Variants in ZNF676 observed in about 807,000 individuals in gnomAD.
The protein encoded by ZNF676 is zinc finger protein 676.
In ZNF676, 4 loss-of-function variants were observed where a neutral mutation model predicts 6.0. The ratio of observed to expected loss-of-function variants is 0.67; its 90% CI spans 0.33 to 1.53. ZNF676 has a LOEUF of 1.53. Ranked by LOEUF, ZNF676 falls within the 40% of genes most tolerant of loss-of-function variation. The pLI, the probability that ZNF676 is intolerant of heterozygous loss-of-function variation, is 0.06. For missense variants in ZNF676, 644 were observed against 679.7 expected (o/e 0.95, Z 0.58); for synonymous variants, 198 against 223.1 (o/e 0.89, Z 1.00).
At chr19:22,189,942 C>T (rs1038177966) in intron 2 of ZNF676, among the ~76,000 whole-genome samples, 1 of 152,062 alleles carries the variant, frequency 6.6e-6, no homozygotes, top group African/African-American at 2.4e-5. Flanking sequence ...ATTAGTTCAG[C>T]CATTGTGGAA....
chr19:22,220,513 A>C (rs1488585634), upstream of ZNF676, among the ~76,000 whole-genome samples: 1 of 147,868 alleles, frequency 6.8e-6, no homozygotes, highest in South Asian at 2.1e-4. Context: ...GCTGGAGTGC[A>C]GTGGTGCGAT....
At chr19:22,253,399 A>AT in the ZNF676 span, among the ~76,000 whole-genome samples, 4 of 40,896 alleles carry the variant, frequency 9.8e-5, no homozygotes, top group African/African-American at 2.9e-4. Flanking sequence ...TATATATGAT[A>AT]ATGTGTATAT....
chr19:22,235,244 C>T, the ZNF676 span, among the ~76,000 whole-genome samples: 47,982 of 151,920 alleles, frequency 0.32, 7,859 homozygotes, highest in South Asian at 0.42. Context: ...TATTTTTCAC[C>T]GACACCTCAA....
chr19:22,249,401 G>GT, the ZNF676 span, among the ~76,000 whole-genome samples: 16 of 151,932 alleles, frequency 1.1e-4, no homozygotes, highest in East Asian at 1.9e-4. Context: ...ATATTATTCA[G>GT]TTTTTTTTGT....
chr19:22,250,090 G>C, the ZNF676 span, among the ~76,000 whole-genome samples: 3 of 151,670 alleles, frequency 2.0e-5, no homozygotes, highest in African/African-American at 7.3e-5. Flanking sequence ...GCTGAGGCAG[G>C]AGAATTGCTT....
At chr19:22,245,973 C>G in the ZNF676 span, among the ~76,000 whole-genome samples, 1 of 152,200 alleles carries the variant, frequency 6.6e-6, no homozygotes, top group East Asian at 1.9e-4. Context: ...TCCTTGTGGG[C>G]AGGACCCAGG....
chr19:22,236,371 T>C, the ZNF676 span, among the ~76,000 whole-genome samples: 2 of 152,160 alleles, frequency 1.3e-5, no homozygotes, highest in Non-Finnish European at 2.9e-5. Flanking sequence ...TTCTATTAAG[T>C]ACATGACCTC....
At chr19:22,250,654 A>G in the ZNF676 span, among the ~76,000 whole-genome samples, 1 of 150,052 alleles carries the variant, frequency 6.7e-6, no homozygotes, top group African/African-American at 2.4e-5. Flanking sequence ...ATGGCTTCCA[A>G]CTATGTCTAC....
chr19:22,257,579 T>C, the ZNF676 span, among the ~76,000 whole-genome samples: 3 of 152,080 alleles, frequency 2.0e-5, no homozygotes, highest in Non-Finnish European at 2.9e-5. Flanking sequence ...TACAGGAGAA[T>C]CAAATGACTC....
At chr19:22,206,087 AC>A (rs2024073744) in intron 1 of ZNF676, among the ~76,000 whole-genome samples, 1 of 150,716 alleles carries the variant, frequency 6.6e-6, no homozygotes. Flanking sequence ...ACACACACAC[AC>A]ACAAAATCAA....
intron 1 of ZNF676, among the ~76,000 whole-genome samples, chr19:22,205,156 A>C (rs1200349238): frequency 2.6e-5 from 4 of 152,180 alleles, no homozygotes; most frequent in Non-Finnish European, 4.4e-5. Flanking sequence ...GTTCACATGA[A>C]TAAAGCAAAT....
At chr19:22,188,168 TCAAG>T (rs2144742081) in intron 2 of ZNF676, among the ~76,000 whole-genome samples, 1 of 152,094 alleles carries the variant, frequency 6.6e-6, no homozygotes, top group East Asian at 1.9e-4. Context: ...TCCACCAAGA[TCAAG>T]TTGGCTTCAT....
At chr19:22,237,856 C>T in the ZNF676 span, among the ~76,000 whole-genome samples, 1 of 152,162 alleles carries the variant, frequency 6.6e-6, no homozygotes, top group Non-Finnish European at 1.5e-5. Flanking sequence ...CAATCAGTGT[C>T]CTCACTTTAA....
upstream of ZNF676, among the ~76,000 whole-genome samples, chr19:22,216,042 G>A (rs1044213255): frequency 1.1e-4 from 16 of 152,178 alleles, no homozygotes; most frequent in African/African-American, 1.4e-4. Flanking sequence ...CTTTTTAAAT[G>A]TATTTGAAAT....
the ZNF676 span, among the ~76,000 whole-genome samples, chr19:22,235,121 C>CAGAAAGGAAGGA: frequency 5.4e-3 from 708 of 131,798 alleles, 15 homozygotes; most frequent in African/African-American, 0.019. Flanking sequence ...GGCAGGAAGG[C>CAGAAAGGAAGGA]AGGAAGGAAG....
intron 1 of ZNF676, among the ~76,000 whole-genome samples, chr19:22,212,199 C>CAAAAAAAAAAAA (rs34421901): frequency 8.4e-6 from 1 of 119,110 alleles, no homozygotes. Context: ...GATTCTGTCT[C>CAAAAAAAAAAAA]AAAAAAAAAA....
At chr19:22,208,306 G>A (rs184652849) in intron 1 of ZNF676, among the ~76,000 whole-genome samples, 1 of 149,756 alleles carries the variant, frequency 6.7e-6, no homozygotes, top group Non-Finnish European at 1.5e-5. Flanking sequence ...AAAGATGTTT[G>A]TCTTCAAAAG....
chr19:22,241,574 A>G, the ZNF676 span, among the ~76,000 whole-genome samples: 9 of 151,872 alleles, frequency 5.9e-5, no homozygotes, highest in Non-Finnish European at 1.0e-4. Context: ...CCTGTGCATA[A>G]GAGTGTCACA....
intron 1 of ZNF676, among the ~76,000 whole-genome samples, chr19:22,212,082 C>T (rs1162605294): frequency 2.0e-5 from 3 of 151,468 alleles, no homozygotes; most frequent in Non-Finnish European, 4.4e-5. Flanking sequence ...TGCCTGTAGT[C>T]CCAGCTACTT....
Sources: allele counts gnomAD v4.1 joint callset (sites outside exome capture counted in the v4.1 genomes callset), GRCh38; gene constraint gnomAD v4.1.1; transcripts MANE v1.5; gene names NCBI Gene and HGNC (gene_info 2026-07-23, HGNC 2026-07-21).